The following NPLOC4 variants were observed in gnomAD, a reference collection of about 807,000 sequenced individuals.
NPLOC4 encodes the protein nuclear protein localization protein 4 homolog.
NPLOC4 carries 18 observed loss-of-function variants against 80.6 expected under a neutral mutation model. That is an observed-to-expected ratio of 0.22 (90% CI 0.15 to 0.33). The LOEUF (loss-of-function observed/expected upper bound fraction) is 0.33. Among genes scored for constraint, NPLOC4 ranks in the 10% least tolerant of loss-of-function variants. The pLI, the probability that NPLOC4 is intolerant of heterozygous loss-of-function variation, is 1.00. For synonymous variants in NPLOC4, 313 were observed against 301.5 expected, an observed-to-expected ratio of 1.04 and a Z score of -0.39; for missense variants, 540 against 786.1, an observed-to-expected ratio of 0.69 and a Z score of 3.74.
chr17:81,628,906 TCTCA>T (rs1465684664), intron 2 of NPLOC4, among the ~76,000 whole-genome samples: 2 of 146,966 alleles, frequency 1.4e-5, no homozygotes, highest in African/African-American at 5.1e-5. Flanking sequence ...TTTGAGACAG[TCTCA>T]CTCTGTCGCC....
At chr17:81,622,088 T>A (rs570189831) in intron 3 of NPLOC4, 78 bp downstream of exon 3, 3 of 1,005,926 alleles carry the variant, frequency 3.0e-6, no homozygotes, top group Non-Finnish European at 3.2e-6. Flanking sequence ...GGAAAGAGGA[T>A]AAAACTCGGC....
intron 2 of NPLOC4, 29 bp from the exon 3 acceptor site, chr17:81,622,307 T>G: frequency 2.0e-6 from 3 of 1,483,524 alleles, no homozygotes; most frequent in Non-Finnish European, 2.8e-6. Context: ...AACAGAAATT[T>G]AATGAAATGC....
At chr17:81,624,806 G>C (rs1221447523) in intron 2 of NPLOC4, among the ~76,000 whole-genome samples, 1 of 152,212 alleles carries the variant, frequency 6.6e-6, no homozygotes, top group East Asian at 1.9e-4. Flanking sequence ...CGAGCTGGGA[G>C]AAAAGGCCAC....
Position 81,600,383 on chromosome 17 carries a change from A to T in NPLOC4, c.879T>A (p.Ala293=). 4 of 1,612,808 alleles carry T rather than the reference A, an allele frequency of 2.5e-6. No individual in the cohort carries two copies. The South Asian group carries it at 3.3e-5, about 13-fold the overall frequency. ...TGGCAGCAATTTCATCGACCACTTC[A>T]GCTTTTGGATCCTCAAGAAGCTCCA... ...NSLELLEDPK[A]EVVDEIAAKL... is the part of the protein sequence containing the mutation. The change falls in exon 9 of 17, where the codon GCT becomes GCA. Residue 293 remains alanine, a synonymous_variant. Transcript: ENST00000331134.
chr17:81,614,375 T>C (rs1598669596), intron 3 of NPLOC4: 1 of 151,482 alleles, frequency 6.6e-6, no homozygotes, highest in African/African-American at 2.4e-5. Flanking sequence ...CCACGTCTAA[T>C]TGCTATGACA....
chr17:81,630,382 G>A (rs2035897371), intron 1 of NPLOC4, among the ~76,000 whole-genome samples: 1 of 152,002 alleles, frequency 6.6e-6, no homozygotes. Flanking sequence ...TGACATCCAA[G>A]GTTCAAGTGA....
At chr17:81,613,139 A>C (rs1214253360) in intron 4 of NPLOC4, 179 bp downstream of exon 4, 6 of 551,420 alleles carry the variant, frequency 1.1e-5, no homozygotes, top group African/African-American at 6.0e-5. Flanking sequence ...AAAAAAAAAA[A>C]CAAAAACCGA....
chr17:81,563,134 G>C (rs2033900342), intron 16 of NPLOC4: 1 of 150,688 alleles, frequency 6.6e-6, no homozygotes, highest in African/African-American at 2.4e-5. Context: ...GGAGTACAGT[G>C]GCACGATCTC....
chr17:81,574,708 G>C (rs1432269220), intron 12 of NPLOC4, among the ~76,000 whole-genome samples: 1 of 152,130 alleles, frequency 6.6e-6, no homozygotes, highest in Non-Finnish European at 1.5e-5. Context: ...CGATGTCTTT[G>C]TTAGCTCAAA....
At chr17:81,592,878 G>T (rs541516054) in intron 11 of NPLOC4, among the ~76,000 whole-genome samples, 1 of 152,308 alleles carries the variant, frequency 6.6e-6, no homozygotes, top group South Asian at 2.1e-4. Flanking sequence ...CAGCTACTTG[G>T]GAGACTGAGG....
rs1342845379 is a variant in NPLOC4 at position 81,580,524 on chromosome 17, C to G, written c.1281+8420G>C. 6.6e-6 allele frequency among the ~76,000 whole-genome samples: 1 copy of G among 152,174 alleles called. No individual in the cohort carries two copies. The highest frequency in any genetic ancestry group is 2.4e-5 in the African/African-American group (1 of 41,446). ...TCCAAGGGCCCCTCCCACCTCTACC[C>G]CAGCAGGCCACCCTGCTTATCACTC... On this transcript the variant is annotated intron_variant, in intron 12 of 16. Transcript: ENST00000331134. The surrounding 1 kb of genome is among the most constrained non-coding windows in gnomAD (Gnocchi z 4.4).
intron 12 of NPLOC4, among the ~76,000 whole-genome samples, chr17:81,576,668 C>T (rs758737375): frequency 6.6e-6 from 1 of 151,938 alleles, no homozygotes; most frequent in African/African-American, 2.4e-5. Context: ...TTGCAACACA[C>T]GACAAAGGGT....
At chr17:81,596,281 C>T in intron 10 of NPLOC4, 39 bp from the exon 11 acceptor site, 2 of 1,587,912 alleles carry the variant, frequency 1.3e-6, no homozygotes, top group Non-Finnish European at 8.6e-7. Context: ...TTTACAGCAT[C>T]ATGCCAAAAT....
At chr17:81,628,705 A>G (rs1406624580) in intron 2 of NPLOC4, among the ~76,000 whole-genome samples, 4 of 152,148 alleles carry the variant, frequency 2.6e-5, no homozygotes, top group Non-Finnish European at 5.9e-5. Context: ...TAAGGAAGAA[A>G]CTGTGAAGAT....
chr17:81,627,081 CT>C (rs2035813411), intron 2 of NPLOC4, among the ~76,000 whole-genome samples: 1 of 148,332 alleles, frequency 6.7e-6, no homozygotes, highest in Admixed American at 6.8e-5. Context: ...CACAATGAGA[CT>C]TCGTCTCAAA....
intron 11 of NPLOC4, among the ~76,000 whole-genome samples, chr17:81,595,529 T>C (rs574847900): frequency 4.6e-4 from 46 of 99,854 alleles, no homozygotes; most frequent in Non-Finnish European, 1.0e-3. Context: ...TACATATATA[T>C]ATATATTTTT....
rs373789389 is a variant in NPLOC4, at chr17:81,577,716, C to A, written c.1282-5628G>T. ...CACCTGGACTCACCATCCTCCCACA[C>A]AGACCCATGGCTCTACTCTGGCACC... On this transcript the variant is annotated intron_variant, in intron 12 of 16. Transcript: ENST00000331134. The surrounding 1 kb of genome is among the most constrained non-coding windows in gnomAD (Gnocchi z 4.3). Among the ~76,000 whole-genome samples, 25 of 152,334 alleles carry A rather than the reference C, an allele frequency of 1.6e-4. No homozygotes were observed. The highest frequency in any genetic ancestry group is 5.8e-4 in the African/African-American group (24 of 41,580).
At chr17:81,607,508 G>T (rs978039248) in intron 6 of NPLOC4, among the ~76,000 whole-genome samples, 4 of 152,018 alleles carry the variant, frequency 2.6e-5, no homozygotes, top group Admixed American at 2.6e-4. Flanking sequence ...TGTCCACACT[G>T]TGGAACGGCT....
chr17:81,617,765 T>A (rs1277070896), intron 3 of NPLOC4, among the ~76,000 whole-genome samples: 1 of 146,390 alleles, frequency 6.8e-6, no homozygotes, highest in Admixed American at 7.3e-5. Flanking sequence ...CCTGCCTGAT[T>A]CTCCTGCCTC....
Sources: allele counts gnomAD v4.1 joint callset (sites outside exome capture counted in the v4.1 genomes callset), GRCh38; gene constraint gnomAD v4.1.1; non-coding constraint Gnocchi (gnomAD v3.1); transcripts MANE v1.5; gene names NCBI Gene and HGNC (gene_info 2026-07-23, HGNC 2026-07-21).